Variants in CAPN13 observed in about 807,000 individuals in gnomAD.
CAPN13 encodes the protein calpain 13, also known as calpain-13.
In CAPN13, 90 loss-of-function variants were observed where a neutral mutation model predicts 98.4. The observed-to-expected ratio is 0.92, with a 90% confidence interval of 0.77 to 1.09. The LOEUF (loss-of-function observed/expected upper bound fraction) is 1.09. Among genes scored for constraint, CAPN13 ranks in the 50% least tolerant of loss-of-function variants. CAPN13 has a pLI of 0.00. For missense variants in CAPN13, 887 were observed against 841.3 expected, an observed-to-expected ratio of 1.05 and a Z score of -0.67; for synonymous variants, 330 against 305.5, an observed-to-expected ratio of 1.08 and a Z score of -0.84.
At chr2:30,761,374 G>C (rs973957964) in intron 7 of CAPN13, among the ~76,000 whole-genome samples, 1 of 152,176 alleles carries the variant, frequency 6.6e-6, no homozygotes, top group Non-Finnish European at 1.5e-5. Flanking sequence ...TGGGTGTCAT[G>C]ATCAGGAGCC....
chr2:30,796,403 C>T (rs965748923), intron 1 of CAPN13, among the ~76,000 whole-genome samples: 14 of 151,798 alleles, frequency 9.2e-5, no homozygotes, highest in African/African-American at 2.2e-4. Flanking sequence ...AAATAGATTT[C>T]GCAGTTTGAC....
chr2:30,766,676 T>C (rs1673127356), intron 5 of CAPN13, among the ~76,000 whole-genome samples: 1 of 152,166 alleles, frequency 6.6e-6, no homozygotes, highest in Non-Finnish European at 1.5e-5. Context: ...GAAAATGTCT[T>C]TCTGCCCGGC....
chr2:30,756,368 C>T (rs1672448408), intron 8 of CAPN13, among the ~76,000 whole-genome samples: 1 of 152,200 alleles, frequency 6.6e-6, no homozygotes, highest in Non-Finnish European at 1.5e-5. Context: ...GTCATACTTC[C>T]TCTGCCACAA....
rs372518610 is a variant in CAPN13 at position 30,758,072 on chromosome 2, G to A, written c.840C>T (p.Ala280=). Reference sequence around the variant, plus strand: ...CATCACTCCAGCGCCCTCTCCATTCGGCCTCGCCCCAGCCCCAGGGGTTCC... The same window carrying A: ...CATCACTCCAGCGCCCTCTCCATTCAGCCTCGCCCCAGCCCCAGGGGTTCC... The part of the protein sequence containing the change: ...SLWNPWGWGE[A]EWRGRWSDGS... The change falls in exon 8 of 23, where the codon GCC becomes GCT. Residue 280 remains alanine, a synonymous_variant. Transcript: ENST00000295055. 2.1e-5 allele frequency: 34 copies of A among 1,611,338 alleles called. No homozygotes were observed. In the African/African-American group the frequency reaches 2.4e-4, roughly 11 times the overall value.
At chr2:30,740,666 G>A (rs1671607812) in intron 15 of CAPN13, among the ~76,000 whole-genome samples, 1 of 152,336 alleles carries the variant, frequency 6.6e-6, no homozygotes, top group East Asian at 1.9e-4. Flanking sequence ...TCCCACGAAG[G>A]CCCCCTATGG....
intron 18 of CAPN13, among the ~76,000 whole-genome samples, chr2:30,734,735 C>T (rs758643264): frequency 2.6e-5 from 4 of 152,222 alleles, no homozygotes; most frequent in Non-Finnish European, 5.9e-5. Flanking sequence ...ACCCATGCTC[C>T]TTCCTCTTCT....
chr2:30,788,176 T>C (rs1674417542), intron 1 of CAPN13, among the ~76,000 whole-genome samples: 1 of 152,256 alleles, frequency 6.6e-6, no homozygotes, highest in African/African-American at 2.4e-5. Flanking sequence ...ATCAGCTACA[T>C]ACTGCTTCTG....
chr2:30,788,144 T>C (rs538328496), intron 1 of CAPN13, among the ~76,000 whole-genome samples: 2 of 152,314 alleles, frequency 1.3e-5, no homozygotes, highest in East Asian at 3.9e-4. Context: ...CACATGGGTT[T>C]TGAAGTTTGC....
chr2:30,757,978 A>G, intron 8 of CAPN13, 68 bp downstream of exon 8: 3 of 1,224,856 alleles, frequency 2.4e-6, no homozygotes, highest in Non-Finnish European at 3.4e-6. Flanking sequence ...CCCTGCTCTC[A>G]TGGGCAGGAG....
chr2:30,781,188 G>A (rs888145290), intron 2 of CAPN13, among the ~76,000 whole-genome samples: 1 of 152,216 alleles, frequency 6.6e-6, no homozygotes, highest in East Asian at 1.9e-4. Context: ...GAAGTTGACC[G>A]ATTTGTTCCA....
At chr2:30,733,235 C>G (rs1671193100) in intron 19 of CAPN13, among the ~76,000 whole-genome samples, 1 of 152,140 alleles carries the variant, frequency 6.6e-6, no homozygotes, top group Non-Finnish European at 1.5e-5. Context: ...TGGGGACAAG[C>G]CTGGTGGCCC....
rs896250338 is a variant in CAPN13, at chr2:30,747,055, G to A, written c.1237-1321C>T. Among the ~76,000 whole-genome samples the A allele has an allele frequency of 5.3e-5, 8 of 152,192 alleles. No homozygotes were observed. The South Asian group carries it at 6.2e-4, about 12-fold the overall frequency. ...GGCCACTGTAAATAGATGGGAATTC[G>A]TTCTTGCACTCCCACCCCTGATGCT... On this transcript the variant is annotated intron_variant, in intron 11 of 22. Coordinates refer to ENST00000295055, the MANE Select transcript of CAPN13 (RefSeq NM_144575.3).
chr2:30,758,987 C>T (rs1010492155), intron 7 of CAPN13, among the ~76,000 whole-genome samples: 1 of 132,038 alleles, frequency 7.6e-6, no homozygotes, highest in African/African-American at 2.9e-5. Flanking sequence ...TTTCTTCCCC[C>T]CTTGCCCCTA....
chr2:30,797,589 C>T (rs1674951453), intron 1 of CAPN13, among the ~76,000 whole-genome samples: 1 of 152,152 alleles, frequency 6.6e-6, no homozygotes, highest in Non-Finnish European at 1.5e-5. Context: ...ATAATAAAAG[C>T]TTGTGTCCAT....
In CAPN13 at chr2:30,753,404, G is replaced by T. The variant is rs189926386; in HGVS notation, c.942-206C>A. ...GGCAAGGACACAGTCAAGTTCTGGG[G>T]TCTGCCGGTCACCTGGCAGCAGCTT... On this transcript the variant is annotated intron_variant, in intron 9 of 22. Transcript: ENST00000295055. 5.1e-4 allele frequency among the ~76,000 whole-genome samples: 78 copies of T among 152,280 alleles called. No individual in the cohort carries two copies. In the Middle Eastern group the frequency reaches 0.01, roughly 20 times the overall value.
intron 10 of CAPN13, among the ~76,000 whole-genome samples, chr2:30,751,472 CTG>C (rs1313540553): frequency 6.6e-6 from 1 of 152,184 alleles, no homozygotes; most frequent in Non-Finnish European, 1.5e-5. Flanking sequence ...ATAGTCCCTA[CTG>C]TGTGAAAAAT....
chr2:30,758,221 C>G, intron 7 of CAPN13, 84 bp from the exon 8 acceptor site: 7 of 996,216 alleles, frequency 7.0e-6, no homozygotes, highest in Non-Finnish European at 1.0e-5. Flanking sequence ...CTTTTTACCT[C>G]CAAGGACCAA....
At chr2:30,802,887 C>A (rs1472085391) in intron 1 of CAPN13, among the ~76,000 whole-genome samples, 1 of 152,168 alleles carries the variant, frequency 6.6e-6, no homozygotes, top group East Asian at 1.9e-4. Flanking sequence ...AATCCCCACG[C>A]CCACCTAGGG....
intron 5 of CAPN13, 74 bp from the exon 6 acceptor site, chr2:30,764,380 T>C: frequency 6.6e-7 from 1 of 1,511,628 alleles, no homozygotes; most frequent in Non-Finnish European, 9.0e-7. Flanking sequence ...TGTGCACTGA[T>C]CCTCTGCCTA....
Sources: allele counts gnomAD v4.1 joint callset (sites outside exome capture counted in the v4.1 genomes callset), GRCh38; gene constraint gnomAD v4.1.1; transcripts MANE v1.5; gene names NCBI Gene and HGNC (gene_info 2026-07-23, HGNC 2026-07-21).